The following SPG21 variants were observed in gnomAD, a reference collection of about 807,000 sequenced individuals.
SPG21 encodes SPG21 abhydrolase domain containing, maspardin.
Under a neutral mutation model 38.9 loss-of-function variants are expected in SPG21, and 26 were observed. The ratio of observed to expected loss-of-function variants is 0.67; its 90% CI spans 0.49 to 0.93. The LOEUF is 0.93. SPG21 is among the 40% of genes least tolerant of loss of function. The pLI is 0.00. For synonymous variants in SPG21, 136 were observed against 128.9 expected (o/e 1.05, Z -0.37); for missense variants, 333 against 376.5 (o/e 0.88, Z 0.96).
chr15:64,970,496 G>A (rs1205508897), intron 5 of SPG21, among the ~76,000 whole-genome samples: 1 of 152,120 alleles, frequency 6.6e-6, no homozygotes, highest in Non-Finnish European at 1.5e-5. Flanking sequence ...ATGAGTCCAA[G>A]ATTGTTTTTT....
In SPG21 at chr15:64,984,012, G is replaced by A. The variant is rs58295144; in HGVS notation, c.-24-419C>T. On this transcript the variant is annotated intron_variant, in intron 1 of 8. Coordinates refer to ENST00000204566, the MANE Select transcript of SPG21 (RefSeq NM_016630.7). ...TTGGCCAGGCTGGTCTCGAACTCCT[G>A]ACCTCAGGTGATCCACCCACCTCAG... Among the ~76,000 whole-genome samples, 8 of 152,240 alleles carry A rather than the reference G, an allele frequency of 5.3e-5. No homozygotes were observed. In the East Asian group the frequency reaches 1.4e-3, roughly 26 times the overall value.
intron 7 of SPG21, among the ~76,000 whole-genome samples, chr15:64,966,188 G>GA (rs952765120): frequency 5.9e-5 from 9 of 152,072 alleles, no homozygotes; most frequent in Non-Finnish European, 1.0e-4. Flanking sequence ...TAGGCTCAGT[G>GA]AAAAAAATTC....
intron 5 of SPG21, among the ~76,000 whole-genome samples, chr15:64,971,662 C>T (rs1186593498): frequency 6.6e-6 from 1 of 152,022 alleles, no homozygotes; most frequent in Non-Finnish European, 1.5e-5. Flanking sequence ...ATGGTGAAAC[C>T]CCGTCTCTAC....
chr15:64,967,316 TATAC>T (rs2085559376), intron 7 of SPG21, among the ~76,000 whole-genome samples: 1 of 151,730 alleles, frequency 6.6e-6, no homozygotes, highest in Admixed American at 6.6e-5. Context: ...CTCAAACAAA[TATAC>T]ATATATTTTT....
intron 4 of SPG21, among the ~76,000 whole-genome samples, chr15:64,976,200 G>A (rs1190756719): frequency 4.6e-5 from 7 of 152,112 alleles, no homozygotes; most frequent in Non-Finnish European, 8.8e-5. Context: ...TGAGGCGGGC[G>A]GATCACTTGA....
At chr15:64,988,038 AAAAC>A (rs1235827084) in intron 1 of SPG21, among the ~76,000 whole-genome samples, 1 of 152,116 alleles carries the variant, frequency 6.6e-6, no homozygotes, top group Non-Finnish European at 1.5e-5. Context: ...CCATCTCAAA[AAAAC>A]AAACAAAACA....
chr15:64,964,993 C>T (rs931728528), intron 8 of SPG21, among the ~76,000 whole-genome samples: 2 of 152,104 alleles, frequency 1.3e-5, no homozygotes, highest in Non-Finnish European at 2.9e-5. Context: ...AGATTGACCC[C>T]ATTTAGGTCT....
At chr15:64,970,696 A>C (rs1348510735) in intron 5 of SPG21, among the ~76,000 whole-genome samples, 1 of 152,218 alleles carries the variant, frequency 6.6e-6, no homozygotes, top group Non-Finnish European at 1.5e-5. Flanking sequence ...AACTTGGCTA[A>C]TTCAAGGCAA....
chr15:64,963,396 T>C lies in SPG21; in HGVS notation c.*224A>G. On this transcript the variant is annotated 3_prime_UTR_variant, in exon 9 of 9. Coordinates refer to ENST00000204566, the MANE Select transcript of SPG21 (RefSeq NM_016630.7). The stretch of plus-strand genomic sequence containing the variant: ...TTCTTAAAATGGGAGTCTTCAAAAG[T>C]ACTTCTTCAAATTCAAAAGCTAAGA... 1 of 520,128 alleles carries C rather than the reference T, an allele frequency of 1.9e-6. No individual in the cohort carries two copies. 32.2% of individuals were successfully genotyped at this position (520,128 alleles called of 1,614,324 possible). A position where few individuals can be genotyped will look rare whatever the true frequency, so the allele number is the denominator to read the frequency against.
At chr15:64,973,179 G>C (rs559652781) in intron 5 of SPG21, among the ~76,000 whole-genome samples, 2 of 152,208 alleles carry the variant, frequency 1.3e-5, no homozygotes, top group Admixed American at 1.3e-4. Context: ...ATGTTGCTCA[G>C]GCTGGTTTCA....
chr15:64,974,733 G>C lies in SPG21; in HGVS notation c.321C>G (p.Gly107=). 1 of 1,614,038 alleles carries C rather than the reference G, an allele frequency of 6.2e-7. No homozygotes were observed. The highest frequency in any genetic ancestry group is 1.3e-5 in the African/African-American group (1 of 74,986). Residue 107 remains glycine, a synonymous_variant, in exon 5 of 9, where the codon GGC becomes GGG. Coordinates refer to ENST00000204566, the MANE Select transcript of SPG21 (RefSeq NM_016630.7). The part of the protein sequence containing the change: ...HLQLDKVHLF[G]ASLGGFLAQK... ...GGGCCAAAAAGCCTCCCAAAGAAGC[G>C]CCAAAAAGATGAACCTAATTATAAA...
chr15:64,981,283 C>G, intron 2 of SPG21: 1 of 417,556 alleles, frequency 2.4e-6, no homozygotes, highest in South Asian at 2.5e-5. Context: ...TTTCTTCCCC[C>G]TCCTCCTTTT....
In SPG21 at chr15:64,963,712, T is replaced by C; in HGVS notation, c.835A>G (p.Thr279Ala). The C allele has an allele frequency of 1.2e-6, 2 of 1,614,074 alleles. No homozygotes were observed. Among genetic ancestry groups the C allele is most frequent in the Non-Finnish European group, 1.7e-6 (2 of 1,179,960 alleles). The change falls in exon 9 of 9, where the codon ACC becomes GCC. Residue 279 changes from threonine (T) to alanine (A), a missense_variant. Thr to Ala is a moderately conservative substitution (Grantham distance 58). Transcript: ENST00000204566. ...GATGGGTCAATGGCCGCGTATTTGG[T>C]TCCATGGAATTGCAGCAAATGTATC... ...VQIHLLQFHG[T>A]KYAAIDPSMV...
rs56118434 is a variant in SPG21 at position 64,982,142 on chromosome 15, C to CTTTT, written c.64-1121_64-1118dup. 2.8e-4 allele frequency among the ~76,000 whole-genome samples: 32 copies of CTTTT among 114,610 alleles called. 3 individuals carry two copies. The highest frequency in any genetic ancestry group is 4.9e-4 in the East Asian group (2 of 4,090). 75.2% of individuals were successfully genotyped at this position (114,610 alleles called of 152,430 possible). On this transcript the variant is annotated intron_variant, in intron 2 of 8. Transcript: ENST00000204566. ...CCACTCACATTTTTTCTTTTCTTTT[C>CTTTT]TTTTTTTTTTTTTTTTTTTTGAGAC...
intron 1 of SPG21, among the ~76,000 whole-genome samples, chr15:64,984,853 G>A (rs963194003): frequency 2.0e-5 from 3 of 150,654 alleles, no homozygotes; most frequent in Non-Finnish European, 4.4e-5. Flanking sequence ...AAGTTCAAGC[G>A]ATTCTCCTGC....
chr15:64,976,811 T>C (rs1229902009), intron 3 of SPG21, among the ~76,000 whole-genome samples: 1 of 152,196 alleles, frequency 6.6e-6, no homozygotes, highest in Non-Finnish European at 1.5e-5. Context: ...TCAATTCCCA[T>C]CAATTTCCTT....
At chr15:64,986,532 A>C (rs1008587796) in intron 1 of SPG21, among the ~76,000 whole-genome samples, 1 of 151,460 alleles carries the variant, frequency 6.6e-6, no homozygotes, top group Non-Finnish European at 1.5e-5. Context: ...CTAAAAATAC[A>C]AAAAAAATTA....
At chr15:64,966,004 G>A (rs1036379795) in intron 7 of SPG21, among the ~76,000 whole-genome samples, 4 of 151,876 alleles carry the variant, frequency 2.6e-5, no homozygotes, top group African/African-American at 9.7e-5. Flanking sequence ...GCCCGGCTGG[G>A]GTCGGGGGAA....
intron 4 of SPG21, 52 bp downstream of exon 4, chr15:64,976,423 T>A: frequency 7.3e-7 from 1 of 1,376,114 alleles, no homozygotes. Flanking sequence ...AGACTTCATC[T>A]CAAAAAATAA....
Sources: allele counts gnomAD v4.1 joint callset (sites outside exome capture counted in the v4.1 genomes callset), GRCh38; gene constraint gnomAD v4.1.1; transcripts MANE v1.5; gene names NCBI Gene and HGNC (gene_info 2026-07-23, HGNC 2026-07-21).